JSRP1: variants seen among roughly 807,000 people sequenced by gnomAD.
JSRP1 encodes 2310032K21Rik.
JSRP1 carries 29 observed loss-of-function variants against 21.4 expected under a neutral mutation model. The observed-to-expected ratio is 1.36, with a 90% CI of 1.01 to 1.85. The LOEUF (loss-of-function observed/expected upper bound fraction) is 1.85, where lower values mean the gene tolerates loss of function less well. Ranked by LOEUF, JSRP1 falls within the 40% of genes most tolerant of loss-of-function variation. The pLI is 0.00. For synonymous variants in JSRP1, 221 were observed against 206.1 expected, an observed-to-expected ratio of 1.07 and a Z score of -0.62; for missense variants, 531 against 461.5, an observed-to-expected ratio of 1.15 and a Z score of -1.38.
chr19:2,253,694 T>C lies in JSRP1; in HGVS notation c.362A>G (p.Asp121Gly). ...PALSEELPWG[D>G]LSLNKCLVLA... ...CACCAGGCACTTGTTGAGCGACAGG[T>C]CTCCCCAGGGCAGCTCCTCGCTCAG... is the stretch of plus-strand genomic sequence containing the variant. The change falls in exon 5 of 7, where the codon GAC becomes GGC. Residue 121 changes from aspartate to glycine, a missense_variant. Physicochemically the swap from Asp to Gly is moderately conservative, Grantham distance 94. Coordinates refer to ENST00000300961, the MANE Select transcript of JSRP1 (RefSeq NM_144616.4). The C allele has an allele frequency of 6.6e-7, 1 of 1,509,914 alleles. No homozygotes were observed. The highest frequency in any genetic ancestry group is 8.8e-7 in the Non-Finnish European group (1 of 1,136,504). 93.5% of individuals were successfully genotyped at this position (1,509,914 alleles called of 1,614,324 possible). A position where few individuals can be genotyped will look rare whatever the true frequency, so the allele number is the denominator to read the frequency against.
rs978891111 is a variant in JSRP1, at chr19:2,255,091, C to T, written c.109+115G>A. ...GGCCAGGGGTTGAACATGGGGAGCA[C>T]ACTATAAGCCAGTCCAGTGTGGGAG... On this transcript the variant is annotated intron_variant, in intron 2 of 6. Coordinates refer to ENST00000300961, the MANE Select transcript of JSRP1 (RefSeq NM_144616.4). The T allele has an allele frequency of 5.2e-5, 31 of 597,434 alleles. No individual in the cohort carries two copies. In the Admixed American group the frequency reaches 9.5e-4, roughly 18 times the overall value. 37.0% of individuals were successfully genotyped at this position (597,434 alleles called of 1,614,324 possible). A position where few individuals can be genotyped will look rare whatever the true frequency, so the allele number is the denominator to read the frequency against.
Position 2,252,645 on chromosome 19 carries a change from C to T in JSRP1, c.680G>A (p.Arg227His), listed in dbSNP as rs751929993. ...GGGTCCCCGGTCTGCGAGGGTCACA[C>T]GGTCCTCCCGGACGGCCTCTCCGGT... Reference protein sequence around the residue: ...EATGEAVREDRVTLADRGPKE... With the variant: ...EATGEAVREDHVTLADRGPKE... Residue 227 changes from arginine (R) to histidine (H), a missense_variant, in exon 7 of 7, where the codon CGT (arginine) becomes CAT (histidine). Arg to His is a conservative substitution (Grantham distance 29). Coordinates refer to ENST00000300961, the MANE Select transcript of JSRP1 (RefSeq NM_144616.4). 1.2e-6 allele frequency: 2 copies of T among 1,612,322 alleles called. No individual in the cohort carries two copies. Among genetic ancestry groups the T allele is most frequent in the South Asian group, 2.2e-5 (2 of 91,082 alleles).
Position 2,252,584 on chromosome 19 carries a change from C to T in JSRP1, c.741G>A (p.Lys247=), listed in dbSNP as rs748763984. 1.9e-6 allele frequency: 3 copies of T among 1,612,798 alleles called. No individual in the cohort carries two copies. Among genetic ancestry groups the T allele is most frequent in the Non-Finnish European group, 2.5e-6 (3 of 1,179,902 alleles). ...GTCTCTCCTCCTTCCGCGGCTTCTC[C>T]TTCCGCGGCTTCCCCTCTCTCCGAG... ...ERPRREGKPR[K]EKPRKEERPK... is the part of the protein sequence containing the mutation. The change falls in exon 7 of 7, where the codon AAG becomes AAA. Residue 247 remains lysine, a synonymous_variant. Transcript: ENST00000300961.
chr19:2,252,950 G>A lies in JSRP1; in HGVS notation c.490C>T (p.Pro164Ser). 1 of 1,610,280 alleles carries A rather than the reference G, an allele frequency of 6.2e-7. No homozygotes were observed. The highest frequency in any genetic ancestry group is 2.2e-5 in the East Asian group (1 of 44,756). The stretch of plus-strand genomic sequence containing the variant: ...GGCTCCCTCGGGGCTGAGCTTGGCG[G>A]GACCCAGGGCTCGGGCACACGTGCT... ...LQARVPEPWV[P>S]PSSAPREPSS... The change falls in exon 6 of 7, where the codon CCG becomes TCG. Residue 164 changes from proline to serine, a missense_variant. Pro to Ser is a moderately conservative substitution (Grantham distance 74). Transcript: ENST00000300961.
rs936796549 is a variant in JSRP1, at chr19:2,252,275, G to T, written c.*54C>A. On this transcript the variant is annotated 3_prime_UTR_variant, in exon 7 of 7. Coordinates refer to ENST00000300961, the MANE Select transcript of JSRP1 (RefSeq NM_144616.4). ...GCGGCCGCAGCACTCGCTTTATTTC[G>T]CCAGAGTCGCGGGGCGTCCAGAAGG... The T allele has an allele frequency of 7.2e-5, 100 of 1,382,722 alleles. No homozygotes were observed. Among genetic ancestry groups the T allele is most frequent in the Non-Finnish European group, 9.0e-5 (95 of 1,051,802 alleles). The allele number at this position is 1,382,722 out of a possible 1,614,324, so 85.7% of individuals were successfully genotyped here. A position where few individuals can be genotyped will look rare whatever the true frequency, so the allele number is the denominator to read the frequency against.
intron 4 of JSRP1, 56 bp downstream of exon 4, chr19:2,254,131 G>C: frequency 7.5e-7 from 1 of 1,337,494 alleles, no homozygotes; most frequent in Non-Finnish European, 1.0e-6. Flanking sequence ...CGGCACCTGA[G>C]CCTCACACCA....
Position 2,255,216 on chromosome 19 carries a change from G to A in JSRP1, c.99C>T (p.Asp33=), listed in dbSNP as rs111668535. The A allele has an allele frequency of 1.9e-6, 3 of 1,598,652 alleles. No individual in the cohort carries two copies. The East Asian group carries it at 6.8e-5, about 36-fold the overall frequency. ...GCGCCACAAGGGTACCTGAAGCCCT[G>A]TCCTCCTGGGTCTCGGCCAGCGCAG... ...DHSALAETQE[D]RASATPRLAD... Residue 33 remains aspartate, a synonymous_variant, in exon 2 of 7, where the codon GAC becomes GAT. Coordinates refer to ENST00000300961, the MANE Select transcript of JSRP1 (RefSeq NM_144616.4).
rs184265282 is a variant in JSRP1 at position 2,255,013 on chromosome 19, C to T, written c.109+193G>A. 5.7e-4 allele frequency among the ~76,000 whole-genome samples: 87 copies of T among 152,246 alleles called. 1 individual carries two copies. The highest frequency in any genetic ancestry group is 2.0e-3 in the African/African-American group (83 of 41,542). ...GGATTCGAACCTAGATCTGTGTGGC[C>T]CAGCACCTGTCTTCCTTGGGGGCTC... is the stretch of plus-strand genomic sequence containing the variant. On this transcript the variant is annotated intron_variant, in intron 2 of 6. Transcript: ENST00000300961.
At position 2,252,940 on chromosome 19, in the gene JSRP1, G is replaced by A. The variant is rs1052374697; in HGVS notation, c.500C>T (p.Ser167Leu). The A allele has an allele frequency of 6.2e-7, 1 of 1,610,456 alleles. No homozygotes were observed. The highest frequency in any genetic ancestry group is 8.5e-7 in the Non-Finnish European group (1 of 1,178,858). The change falls in exon 6 of 7, where the codon TCA becomes TTA. Residue 167 changes from serine (S) to leucine (L), a missense_variant. By Grantham distance (145) the Ser-to-Leu change is moderately radical. Coordinates refer to ENST00000300961, the MANE Select transcript of JSRP1 (RefSeq NM_144616.4). Reference protein sequence around the residue: ...RVPEPWVPPSSAPREPSSPLP... With the variant: ...RVPEPWVPPSLAPREPSSPLP... ...GGGCGACGATGGCTCCCTCGGGGCT[G>A]AGCTTGGCGGGACCCAGGGCTCGGG...
In JSRP1 at chr19:2,253,802, G is replaced by T. The variant is rs1007712013; in HGVS notation, c.263-9C>A. 2.9e-6 allele frequency: 4 copies of T among 1,380,434 alleles called. No individual in the cohort carries two copies. Among genetic ancestry groups the T allele is most frequent in the Admixed American group, 7.5e-5 (2 of 26,812 alleles). 85.5% of individuals were successfully genotyped at this position (1,380,434 alleles called of 1,614,324 possible). A position where few individuals can be genotyped will look rare whatever the true frequency, so the allele number is the denominator to read the frequency against. On this transcript the variant is annotated splice_polypyrimidine_tract_variant and intron_variant, in intron 4 of 6. Transcript: ENST00000300961. Reference sequence around the variant, plus strand: ...GGGGACGCTCCGAGGGCCTGCGGGGGCAAGTGCGCGCTGCGCTGTGGTCAC... The same window carrying T: ...GGGGACGCTCCGAGGGCCTGCGGGGTCAAGTGCGCGCTGCGCTGTGGTCAC...
chr19:2,254,599 A>G lies in JSRP1; in HGVS notation c.110-117T>C, dbSNP rs1229092486. The G allele has an allele frequency of 3.5e-6, 4 of 1,134,920 alleles. No homozygotes were observed. The Admixed American group carries it at 8.0e-5, about 23-fold the overall frequency. 70.3% of individuals were successfully genotyped at this position (1,134,920 alleles called of 1,614,324 possible). On this transcript the variant is annotated intron_variant, in intron 2 of 6. Coordinates refer to ENST00000300961, the MANE Select transcript of JSRP1 (RefSeq NM_144616.4). ...AACCCCATCTTATAGATAAGAAAGT[A>G]GGTGGAGGCCAGCACAGTGGTTCAC... is the stretch of plus-strand genomic sequence containing the variant.
rs950690846 is a variant in JSRP1 at position 2,254,207 on chromosome 19, T to A, written c.242A>T (p.Glu81Val). The change falls in exon 4 of 7, where the codon GAG becomes GTG. Residue 81 changes from glutamate to valine, a missense_variant. Glu to Val is a moderately radical substitution (Grantham distance 121). Coordinates refer to ENST00000300961, the MANE Select transcript of JSRP1 (RefSeq NM_144616.4). ...AARGTPGTGK[E>V]RLKAGASPRS... The stretch of plus-strand genomic sequence containing the variant: ...CCCACTCGCTCCGGCTTTCAGCCTC[T>A]CCTTCCCCGTTCCTGGGGTCCCCCT... The A allele has an allele frequency of 6.2e-7, 1 of 1,605,852 alleles. No homozygotes were observed. Among genetic ancestry groups the A allele is most frequent in the Admixed American group, 1.7e-5 (1 of 58,852 alleles).
At chr19:2,255,671 C>G (rs146315540) in intron 1 of JSRP1, among the ~76,000 whole-genome samples, 1 of 152,206 alleles carries the variant, frequency 6.6e-6, no homozygotes, top group Non-Finnish European at 1.5e-5. Context: ...CACCCCAAAC[C>G]GAAACTCTTG....
chr19:2,253,884 T>C, intron 4 of JSRP1, 91 bp from the exon 5 acceptor site: 1 of 1,300,550 alleles, frequency 7.7e-7, no homozygotes, highest in Non-Finnish European at 9.9e-7. Flanking sequence ...GCCTGTGCCC[T>C]GAACCCGGCT....
chr19:2,252,715 TC>T lies in JSRP1; in HGVS notation c.609del (p.Ser204ValfsTer25). On this transcript the variant is annotated frameshift_variant, in exon 7 of 7. Transcript: ENST00000300961. LOFTEE classifies it low-confidence loss of function (END_TRUNC). ...AEAEVRPKIPGSREAAENDEE... is the reference protein window; with the variant it reads ...AEAEVRPKIPXSREAAENDEE... Reference sequence around the variant, plus strand: ...TCGTCGTTCTCTGCAGCCTCCCGACTCCCGGGAATCTTGGGTCTGACCTCTG... The same window carrying T: ...TCGTCGTTCTCTGCAGCCTCCCGACTCCGGGAATCTTGGGTCTGACCTCTG... 4 of 1,612,366 alleles carry T rather than the reference TC, an allele frequency of 2.5e-6. No homozygotes were observed. Among genetic ancestry groups the T allele is most frequent in the Non-Finnish European group, 3.4e-6 (4 of 1,179,896 alleles).
At chr19:2,255,183 T>A (rs1222196361) in intron 2 of JSRP1, 23 bp downstream of exon 2, 2 of 1,539,490 alleles carry the variant, frequency 1.3e-6, no homozygotes, top group Admixed American at 3.6e-5. Context: ...AAGGGCTTCC[T>A]CCCGCCAGCG....
At position 2,253,715 on chromosome 19, in the gene JSRP1, C is replaced by A; in HGVS notation, c.341G>T (p.Ser114Ile). 6.7e-7 allele frequency: 1 copy of A among 1,498,662 alleles called. No homozygotes were observed. 92.8% of individuals were successfully genotyped at this position (1,498,662 alleles called of 1,614,324 possible). A position where few individuals can be genotyped will look rare whatever the true frequency, so the allele number is the denominator to read the frequency against. Residue 114 changes from serine (S) to isoleucine (I), a missense_variant, in exon 5 of 7, where the codon AGC (serine) becomes ATC (isoleucine). Ser to Ile is a moderately radical substitution (Grantham distance 142). Transcript: ENST00000300961. ...LQPPPPPPALSEELPWGDLSL... is the reference protein window; with the variant it reads ...LQPPPPPPALIEELPWGDLSL... ...CAGGTCTCCCCAGGGCAGCTCCTCG[C>A]TCAGGGCCGGGGGCGGCGGCGGCGG...
At position 2,252,789 on chromosome 19, in the gene JSRP1, A is replaced by G. The variant is rs781087480; in HGVS notation, c.536T>C (p.Phe179Ser). 12 of 1,610,954 alleles carry G rather than the reference A, an allele frequency of 7.4e-6. No individual in the cohort carries two copies. In the African/African-American group the frequency reaches 1.5e-4, roughly 20 times the overall value. Reference protein sequence around the residue: ...PREPSSPLPKFEAQAPPSAPP... With the variant: ...PREPSSPLPKSEAQAPPSAPP... ...CGCTGATGGAGGCGCCTGGGCCTCG[A>G]ACTTAGGCTGCAAGACAGAGTGGGG... Residue 179 changes from phenylalanine (F) to serine (S), a missense_variant, in exon 7 of 7, where the codon TTC becomes TCC. Physicochemically the swap from Phe to Ser is radical, Grantham distance 155 (BLOSUM62 -2). Transcript: ENST00000300961.
Position 2,252,803 on chromosome 19 carries a change from G to C in JSRP1, c.529-7C>G. ...CCTGGGCCTCGAACTTAGGCTGCAA[G>C]ACAGAGTGGGGTCCTGGGGTAAGCG... On this transcript the variant is annotated splice_region_variant and splice_polypyrimidine_tract_variant and intron_variant, in intron 6 of 6. Coordinates refer to ENST00000300961, the MANE Select transcript of JSRP1 (RefSeq NM_144616.4). 1 of 1,609,292 alleles carries C rather than the reference G, an allele frequency of 6.2e-7. No individual in the cohort carries two copies. The highest frequency in any genetic ancestry group is 8.5e-7 in the Non-Finnish European group (1 of 1,178,066).
Sources: allele counts gnomAD v4.1 joint callset (sites outside exome capture counted in the v4.1 genomes callset), GRCh38; gene constraint gnomAD v4.1.1; transcripts MANE v1.5; gene names NCBI Gene and HGNC (gene_info 2026-07-23, HGNC 2026-07-21).